Variants in WDR70 observed in about 807,000 individuals in gnomAD.
WDR70 encodes WD repeat-containing protein 70.
In WDR70, 53 loss-of-function variants were observed where a neutral mutation model predicts 88.6. The observed-to-expected ratio is 0.60, with a 90% CI of 0.48 to 0.75. The LOEUF (loss-of-function observed/expected upper bound fraction) is 0.75. Ranked by LOEUF, WDR70 falls within the 30% of genes least tolerant of loss-of-function variation. The pLI, the probability that WDR70 is intolerant of heterozygous loss-of-function variation, is 0.00. For missense variants in WDR70, 610 were observed against 823.2 expected (o/e 0.74, Z 3.17); for synonymous variants, 280 against 270.0 (o/e 1.04, Z -0.36).
chr5:37,469,253 G>A (rs1424349673), intron 7 of WDR70, among the ~76,000 whole-genome samples: 1 of 152,080 alleles, frequency 6.6e-6, no homozygotes, highest in Non-Finnish European at 1.5e-5. Flanking sequence ...CGATAGTAGG[G>A]TGGCAGTAGG....
chr5:37,731,809 G>A (rs115643037), intron 17 of WDR70, among the ~76,000 whole-genome samples: 129 of 152,186 alleles, frequency 8.5e-4, no homozygotes, highest in African/African-American at 2.7e-3. Context: ...TATTAGCAAC[G>A]TATAATATAG....
At chr5:37,416,628 G>C (rs560014303) in intron 5 of WDR70, among the ~76,000 whole-genome samples, 1 of 150,846 alleles carries the variant, frequency 6.6e-6, no homozygotes, top group South Asian at 2.1e-4. Context: ...CACCCAGGCT[G>C]GAGTGCAATG....
chr5:37,479,736 C>G (rs942350891), intron 7 of WDR70, 98 bp from the exon 8 acceptor site: 11 of 1,349,588 alleles, frequency 8.2e-6, no homozygotes, highest in Non-Finnish European at 1.1e-5. Context: ...TCAATTTGTC[C>G]ATTTGTGTAA....
chr5:37,473,010 G>A (rs982038275), intron 7 of WDR70, among the ~76,000 whole-genome samples: 2 of 151,904 alleles, frequency 1.3e-5, no homozygotes, highest in African/African-American at 4.9e-5. Flanking sequence ...TTGTGTATGA[G>A]AATTCTAATT....
At chr5:37,663,915 T>C (rs1250411249) in intron 10 of WDR70, among the ~76,000 whole-genome samples, 1 of 152,224 alleles carries the variant, frequency 6.6e-6, no homozygotes, top group South Asian at 2.1e-4. Context: ...CTAGAAAATA[T>C]GCTCAAGTTT....
intron 10 of WDR70, among the ~76,000 whole-genome samples, chr5:37,666,662 CACAA>C (rs1349848324): frequency 2.6e-5 from 4 of 152,292 alleles, no homozygotes; most frequent in East Asian, 3.9e-4. Flanking sequence ...AAGGGTGCTG[CACAA>C]ACAGAGTCTA....
At chr5:37,684,695 C>G (rs1321302332) in intron 10 of WDR70, among the ~76,000 whole-genome samples, 1 of 152,152 alleles carries the variant, frequency 6.6e-6, no homozygotes, top group Non-Finnish European at 1.5e-5. Flanking sequence ...TGAGATGCCC[C>G]CAGACTTCTG....
At chr5:37,387,984 G>A (rs1270642616) in intron 3 of WDR70, among the ~76,000 whole-genome samples, 1 of 152,098 alleles carries the variant, frequency 6.6e-6, no homozygotes, top group Admixed American at 6.6e-5. Context: ...TGCACTAGTG[G>A]AAAGGATGAA....
At chr5:37,577,577 T>C (rs913964736) in intron 9 of WDR70, among the ~76,000 whole-genome samples, 3 of 152,110 alleles carry the variant, frequency 2.0e-5, no homozygotes, top group African/African-American at 7.2e-5. Context: ...AATGTTTTAG[T>C]TGAGAATGGA....
chr5:37,590,175 TGGG>T, intron 9 of WDR70, among the ~76,000 whole-genome samples: 1 of 152,246 alleles, frequency 6.6e-6, no homozygotes, highest in Non-Finnish European at 1.5e-5. Context: ...TAGAAAAGGA[TGGG>T]GAAATTCAAT....
intron 7 of WDR70, among the ~76,000 whole-genome samples, chr5:37,451,981 A>T (rs1013666000): frequency 6.6e-6 from 1 of 152,108 alleles, no homozygotes; most frequent in Non-Finnish European, 1.5e-5. Context: ...CAACAGAGTG[A>T]GACTCCATCT....
intron 3 of WDR70, among the ~76,000 whole-genome samples, chr5:37,383,615 T>C (rs1224882507): frequency 6.6e-6 from 1 of 151,898 alleles, no homozygotes; most frequent in African/African-American, 2.4e-5. Context: ...CGTCTCGCTC[T>C]GTCGCCCTGG....
chr5:37,552,090 T>A (rs963367479), intron 9 of WDR70, among the ~76,000 whole-genome samples: 1 of 152,112 alleles, frequency 6.6e-6, no homozygotes, highest in African/African-American at 2.4e-5. Context: ...TATTTTTTTT[T>A]ATGTCAACCA....
intron 5 of WDR70, among the ~76,000 whole-genome samples, chr5:37,405,755 G>C (rs746526902): frequency 6.6e-6 from 1 of 152,036 alleles, no homozygotes; most frequent in Non-Finnish European, 1.5e-5. Context: ...TCTCAAAAAG[G>C]ATTTAATGGA....
intron 9 of WDR70, among the ~76,000 whole-genome samples, chr5:37,525,641 T>G (rs1156635441): frequency 6.6e-6 from 1 of 151,954 alleles, no homozygotes; most frequent in East Asian, 1.9e-4. Flanking sequence ...AGAGCAGAAC[T>G]GAAGGAAATA....
At chr5:37,629,779 T>C (rs1018728896) in intron 10 of WDR70, among the ~76,000 whole-genome samples, 1 of 152,196 alleles carries the variant, frequency 6.6e-6, no homozygotes, top group Non-Finnish European at 1.5e-5. Flanking sequence ...ATTGCATGTA[T>C]TATGATTGTG....
At chr5:37,643,914 A>G (rs1299990104) in intron 10 of WDR70, among the ~76,000 whole-genome samples, 1 of 152,096 alleles carries the variant, frequency 6.6e-6, no homozygotes, top group Non-Finnish European at 1.5e-5. Flanking sequence ...CAAATATAAG[A>G]TTATGTCATC....
chr5:37,528,485 AG>A (rs755434698), intron 9 of WDR70, among the ~76,000 whole-genome samples: 1 of 151,510 alleles, frequency 6.6e-6, no homozygotes, highest in South Asian at 2.1e-4. Flanking sequence ...GTTGTGGGTT[AG>A]GGGGAGGGGT....
At chr5:37,690,882 G>A (rs889981787) in intron 10 of WDR70, among the ~76,000 whole-genome samples, 14 of 152,018 alleles carry the variant, frequency 9.2e-5, no homozygotes, top group African/African-American at 2.7e-4. Flanking sequence ...CATTATTAAC[G>A]TTAAAGGTAA....
Sources: gnomAD v4.1 joint callset for allele counts (sites outside exome capture counted in the v4.1 genomes callset) on GRCh38, gnomAD v4.1.1 for gene constraint, MANE v1.5 for transcripts, NCBI Gene and HGNC (gene_info 2026-07-23, HGNC 2026-07-21) for gene names.